GET1: variants seen among roughly 807,000 people sequenced by gnomAD.
GET1 encodes guided entry of tail-anchored proteins factor 1.
GET1 carries 20 observed loss-of-function variants against 22.6 expected under a neutral mutation model. The observed-to-expected ratio is 0.89, with a 90% CI of 0.62 to 1.29. The LOEUF is 1.29. GET1 is among the 50% of genes most tolerant of loss of function. GET1 has a pLI of 0.00. For synonymous variants in GET1, 92 were observed against 83.8 expected (o/e 1.10, Z -0.53); for missense variants, 209 against 219.9 (o/e 0.95, Z 0.31).
exon 5 of GET1, chr21:39,406,563 A>G (rs1334800234): frequency 1.2e-6 from 2 of 1,608,392 alleles, no homozygotes; most frequent in African/African-American, 2.7e-5. Context: ...GTCTTCCAGT[A>G]TTCTCCAGCA....
intron 4 of GET1, among the ~76,000 whole-genome samples, chr21:39,394,063 C>T (rs763739585): frequency 1.3e-5 from 2 of 152,132 alleles, no homozygotes; most frequent in South Asian, 2.1e-4. Context: ...GGTGCAGTGG[C>T]TCACGCCTGT....
At chr21:39,409,744 C>T (rs188006848), downstream of GET1, among the ~76,000 whole-genome samples, 6 of 152,220 alleles carry the variant, frequency 3.9e-5, no homozygotes, top group Non-Finnish European at 7.4e-5. This position sits in a 1 kb window ranked among gnomAD's most constrained non-coding sequence, Gnocchi z 4.2. Context: ...AGGCACATAC[C>T]GCCATGTGCG....
chr21:39,402,144 C>T (rs1328664902), downstream of GET1, among the ~76,000 whole-genome samples: 4 of 152,100 alleles, frequency 2.6e-5, no homozygotes, highest in Non-Finnish European at 5.9e-5. Context: ...TGCTCTGTCA[C>T]CCAGGCTGGA....
At chr21:39,381,212 G>C (rs2037535780) in intron 1 of GET1, among the ~76,000 whole-genome samples, 1 of 152,078 alleles carries the variant, frequency 6.6e-6, no homozygotes, top group South Asian at 2.1e-4. Flanking sequence ...TGGCAAATTG[G>C]ACAGGGCGTG....
rs759028085 is a variant in GET1, at chr21:39,390,799, G to A, written c.204G>A (p.Glu68=). Residue 68 remains glutamate, a synonymous_variant, in exon 2 of 5, where the codon GAG becomes GAA. Transcript: ENST00000649170. Reference sequence around the variant, plus strand: ...TCTCCACAGTCAACATGATGGACGAGTTTGCCAGATATGCCAGGCTGGAAA... The same window carrying A: ...TCTCCACAGTCAACATGATGGACGAATTTGCCAGATATGCCAGGCTGGAAA... ...QELSTVNMMD[E]FARYARLERK... 5 of 1,614,096 alleles carry A rather than the reference G, an allele frequency of 3.1e-6. No homozygotes were observed. In the African/African-American group the frequency reaches 5.3e-5, roughly 17 times the overall value.
At chr21:39,392,867 T>A in intron 3 of GET1, 2 of 273,408 alleles carry the variant, frequency 7.3e-6, no homozygotes, top group African/African-American at 2.2e-5. Flanking sequence ...ATGTGTAGAT[T>A]GTGTTCATCC....
intron 1 of GET1, among the ~76,000 whole-genome samples, chr21:39,381,932 C>A (rs1312144686): frequency 6.6e-6 from 1 of 152,002 alleles, no homozygotes; most frequent in African/African-American, 2.4e-5. Flanking sequence ...AGAGACAGAG[C>A]TTTGCCATGT....
exon 5 of GET1, chr21:39,406,232 T>A (rs1268990412): frequency 2.2e-5 from 35 of 1,614,136 alleles, no homozygotes; most frequent in African/African-American, 4.0e-5. Context: ...TGCTTGCCTG[T>A]ACTATGACTG....
At chr21:39,410,275 A>C, downstream of GET1, 1 of 1,603,276 alleles carries the variant, frequency 6.2e-7, no homozygotes, top group Non-Finnish European at 8.5e-7. Context: ...TTAGTTGTCA[A>C]AGGTGGAACA....
At chr21:39,401,464 C>A (rs939266194), downstream of GET1, among the ~76,000 whole-genome samples, 2 of 151,918 alleles carry the variant, frequency 1.3e-5, no homozygotes, top group Admixed American at 1.3e-4. Flanking sequence ...TATCTTTCAC[C>A]CAAGTTTTAG....
At chr21:39,414,742 C>CTCTGTGTGTGTGTG (rs1341489035) in intron 1 of GET1, among the ~76,000 whole-genome samples, 278 of 99,224 alleles carry the variant, frequency 2.8e-3, no homozygotes, top group Non-Finnish European at 3.3e-3. Context: ...CTCTCTCTCT[C>CTCTGTGTGTGTGTG]TGTGTGTGTG....
At chr21:39,395,165 G>A (rs941416184) in intron 4 of GET1, among the ~76,000 whole-genome samples, 2 of 152,096 alleles carry the variant, frequency 1.3e-5, no homozygotes, top group African/African-American at 4.8e-5. Flanking sequence ...GTGTCACCTT[G>A]CCTGGCAAAT....
chr21:39,406,234 C>A (rs1361670225), exon 5 of GET1: 1 of 1,614,252 alleles, frequency 6.2e-7, no homozygotes, highest in South Asian at 1.1e-5. Context: ...CTTGCCTGTA[C>A]TATGACTGTA....
chr21:39,391,679 AT>A, intron 2 of GET1, 89 bp from the exon 3 acceptor site: 1 of 1,240,316 alleles, frequency 8.1e-7, no homozygotes, highest in South Asian at 1.3e-5. Flanking sequence ...CAGAAAGTGT[AT>A]TATAAGGGAA....
intron 1 of GET1, chr21:39,422,901 G>A (rs370045972): frequency 4.7e-5 from 61 of 1,307,758 alleles, no homozygotes; most frequent in African/African-American, 3.7e-4. Flanking sequence ...CAGAGGGGGC[G>A]CATCCATGAT....
chr21:39,410,933 C>G (rs965737865), downstream of GET1: 1 of 471,078 alleles, frequency 2.1e-6, no homozygotes, highest in Non-Finnish European at 4.4e-6. Flanking sequence ...TCTAATAAAA[C>G]AGAGGTGAGT....
intron 1 of GET1, chr21:39,423,062 C>G: frequency 6.2e-7 from 1 of 1,614,044 alleles, no homozygotes; most frequent in Non-Finnish European, 8.5e-7. Context: ...AGGTTTTTGT[C>G]TTCAGAAAGT....
At position 39,396,962 on chromosome 21, in the gene GET1, G is replaced by T. The variant is rs749709265; in HGVS notation, c.*23G>T. On this transcript the variant is annotated 3_prime_UTR_variant, in exon 5 of 5. Transcript: ENST00000649170. ...TGAACAGGAGGATGGATACAGCCGC[G>T]AGGCTAAAAAACGGATTTCCTCTTC... 6.2e-7 allele frequency: 1 copy of T among 1,612,066 alleles called. No individual in the cohort carries two copies. The highest frequency in any genetic ancestry group is 8.5e-7 in the Non-Finnish European group (1 of 1,179,160).
chr21:39,393,364 ATCC>A, intron 4 of GET1, 84 bp downstream of exon 4: 1 of 1,089,224 alleles, frequency 9.2e-7, no homozygotes, highest in Non-Finnish European at 1.4e-6. Flanking sequence ...TTAGCCTGAC[ATCC>A]TCCTCACCGT....
Sources: allele counts gnomAD v4.1 joint callset (sites outside exome capture counted in the v4.1 genomes callset), GRCh38; gene constraint gnomAD v4.1.1; non-coding constraint Gnocchi (gnomAD v3.1); transcripts MANE v1.5; gene names NCBI Gene and HGNC (gene_info 2026-07-23, HGNC 2026-07-21).